Variants in CACNA1S observed in about 807,000 individuals in gnomAD.
CACNA1S encodes the protein voltage-dependent L-type calcium channel subunit alpha-1S.
Under a neutral mutation model 207.4 loss-of-function variants are expected in CACNA1S, and 126 were observed. The observed-to-expected ratio is 0.61, with a 90% CI of 0.53 to 0.70. CACNA1S has a LOEUF of 0.70. CACNA1S is among the 30% of genes least tolerant of loss of function. CACNA1S has a pLI of 0.00. For synonymous variants in CACNA1S, 960 were observed against 932.7 expected, an observed-to-expected ratio of 1.03 and a Z score of -0.53; for missense variants, 2,349 against 2,422.8, an observed-to-expected ratio of 0.97 and a Z score of 0.64.
In CACNA1S at chr1:201,052,127, C is replaced by T. The variant is rs74138821; in HGVS notation, c.3953+430G>A. 4.4e-3 allele frequency among the ~76,000 whole-genome samples: 676 copies of T among 152,352 alleles called. 5 individuals carry two copies. Among genetic ancestry groups the T allele is most frequent in the African/African-American group, 0.016 (649 of 41,586 alleles). ...GCAATCCAAGCTCTAGCTCCTGTGC[C>T]CTGGCCAAGCATAGGCCCCTGCGCC... On this transcript the variant is annotated intron_variant, in intron 32 of 43. Coordinates refer to ENST00000362061, the MANE Select transcript of CACNA1S (RefSeq NM_000069.3).
At position 201,087,917 on chromosome 1, in the gene CACNA1S, T is replaced by A; in HGVS notation, c.913A>T (p.Ile305Phe). ...TDVLYWVNDA[I>F]GNEWPWIYFV... ...TAGATCCAGGGCCACTCATTCCCGATGGCATCATTGACCTGGTCAGGACAG... is the reference window on the plus strand; with the variant it reads ...TAGATCCAGGGCCACTCATTCCCGAAGGCATCATTGACCTGGTCAGGACAG... The change falls in exon 7 of 44, where the codon ATC becomes TTC. Residue 305 changes from isoleucine to phenylalanine, a missense_variant. Coordinates refer to ENST00000362061, the MANE Select transcript of CACNA1S (RefSeq NM_000069.3). 6.2e-7 allele frequency: 1 copy of A among 1,611,604 alleles called. No individual in the cohort carries two copies. Among genetic ancestry groups the A allele is most frequent in the Non-Finnish European group, 8.5e-7 (1 of 1,177,988 alleles).
chr1:201,075,755 C>T, intron 12 of CACNA1S, 140 bp from the exon 13 acceptor site: 1 of 935,902 alleles, frequency 1.1e-6, no homozygotes, highest in South Asian at 1.5e-5. Context: ...TCTGGGTGGC[C>T]AGCCCCTGCT....
chr1:201,056,070 G>GACAGAC (rs528783002), intron 28 of CACNA1S, among the ~76,000 whole-genome samples: 20 of 94,918 alleles, frequency 2.1e-4, no homozygotes, highest in African/African-American at 5.2e-4. Flanking sequence ...CAGACAGACA[G>GACAGAC]ACACACACAC....
chr1:201,083,420 A>T, intron 9 of CACNA1S, 98 bp from the exon 10 acceptor site: 2 of 1,261,782 alleles, frequency 1.6e-6, no homozygotes, highest in Non-Finnish European at 2.3e-6. Context: ...GCGTAGCCTG[A>T]CCACCCCACT....
At chr1:201,040,585 T>C (rs770883552) in intron 42 of CACNA1S, 37 bp downstream of exon 42, 1 of 1,577,146 alleles carries the variant, frequency 6.3e-7, no homozygotes, top group South Asian at 1.1e-5. Context: ...GCAGGGTCTC[T>C]GTATGGAGTT....
At chr1:201,108,836 T>C (rs1160424333) in intron 2 of CACNA1S, among the ~76,000 whole-genome samples, 1 of 152,140 alleles carries the variant, frequency 6.6e-6, no homozygotes, top group African/African-American at 2.4e-5. Flanking sequence ...AAAAGCCCTG[T>C]TGAAAAGGTG....
At chr1:201,062,366 G>A (rs926342753) in intron 23 of CACNA1S, 96 bp downstream of exon 23, 15 of 1,271,882 alleles carry the variant, frequency 1.2e-5, no homozygotes, top group Non-Finnish European at 1.7e-5. Context: ...TCCCTGCCCC[G>A]TGACCGTAAC....
At chr1:201,049,594 G>A (rs1660587366) in intron 34 of CACNA1S, among the ~76,000 whole-genome samples, 1 of 152,190 alleles carries the variant, frequency 6.6e-6, no homozygotes. Context: ...CATGGCAAGA[G>A]CAGCTTGTGA....
chr1:201,078,007 G>GTT lies in CACNA1S; in HGVS notation c.1489_1490dup (p.Asn497LysfsTer24). ...TACACACCACGAAGCAGTCGAAGCG[G>GTT]TTGAAGATAGACATGAAGTACTGGC... On this transcript the variant is annotated frameshift_variant, in exon 11 of 44. Transcript: ENST00000362061. LOFTEE classifies it high-confidence loss of function. The GTT allele has an allele frequency of 6.2e-7, 1 of 1,614,114 alleles. No individual in the cohort carries two copies. The highest frequency in any genetic ancestry group is 8.5e-7 in the Non-Finnish European group (1 of 1,179,984).
At chr1:201,069,220 G>A (rs746882622) in intron 18 of CACNA1S, 24 bp from the exon 19 acceptor site, 1 of 1,609,822 alleles carries the variant, frequency 6.2e-7, no homozygotes, top group Non-Finnish European at 8.5e-7. Flanking sequence ...AGGGGCGGGA[G>A]CAGCCAGTGA....
In CACNA1S at chr1:201,043,517, C is replaced by G. The variant is rs1660363766; in HGVS notation, c.4812G>C (p.Leu1604=). ...CCAGGAAGTTGTCCACCTGGCCAAA[C>G]AGGCCTCCAGTCCTCTAGGGGCAAG... ...EEGIFRRTGG[L]FGQVDNFLER... Residue 1604 remains leucine (L), a synonymous_variant, in exon 40 of 44, where the codon CTG becomes CTC. Transcript: ENST00000362061. 2 of 1,613,830 alleles carry G rather than the reference C, an allele frequency of 1.2e-6. No homozygotes were observed. Among genetic ancestry groups the G allele is most frequent in the Non-Finnish European group, 1.7e-6 (2 of 1,180,004 alleles).
intron 22 of CACNA1S, among the ~76,000 whole-genome samples, chr1:201,065,102 A>G (rs1661196137): frequency 6.6e-6 from 1 of 152,160 alleles, no homozygotes; most frequent in Non-Finnish European, 1.5e-5. Flanking sequence ...GTAGGGAGAG[A>G]GCAGATACAA....
intron 2 of CACNA1S, among the ~76,000 whole-genome samples, chr1:201,105,832 G>A (rs553826449): frequency 6.6e-6 from 1 of 152,232 alleles, no homozygotes; most frequent in African/African-American, 2.4e-5. Context: ...ACTGCCAAGG[G>A]AGCCTATTCC....
At position 201,093,906 on chromosome 1, in the gene CACNA1S, A is replaced by C. The variant is rs757433194; in HGVS notation, c.374T>G (p.Leu125Arg). The C allele has an allele frequency of 6.2e-7, 1 of 1,614,224 alleles. No homozygotes were observed. The highest frequency in any genetic ancestry group is 8.5e-7 in the Non-Finnish European group (1 of 1,180,046). Residue 125 changes from leucine to arginine, a missense_variant, in exon 3 of 44, where the codon CTG (leucine) becomes CGG (arginine). Physicochemically the swap from Leu to Arg is moderately radical, Grantham distance 102 (BLOSUM62 -2). Coordinates refer to ENST00000362061, the MANE Select transcript of CACNA1S (RefSeq NM_000069.3). Reference sequence around the variant, plus strand: ...CCCCAGGAAGACAATGGTGAAGTCCAGCACATTCCAGCCACTGCGCAGGTA... The same window carrying C: ...CCCCAGGAAGACAATGGTGAAGTCCCGCACATTCCAGCCACTGCGCAGGTA... The part of the protein sequence containing the change: ...DAYLRSGWNV[L>R]DFTIVFLGVF...
chr1:201,104,893 T>C (rs943414565), intron 2 of CACNA1S, among the ~76,000 whole-genome samples: 2 of 152,262 alleles, frequency 1.3e-5, no homozygotes, highest in Non-Finnish European at 2.9e-5. Flanking sequence ...GCATGTGCAG[T>C]GATCTAACCT....
rs1558057855 is a variant in CACNA1S, at chr1:201,053,296, C to T, written c.3796-22G>A. On this transcript the variant is annotated intron_variant, in intron 30 of 43. Transcript: ENST00000362061. The surrounding 1 kb of genome is among the most constrained non-coding windows in gnomAD (Gnocchi z 5.1). ...GGGCCTGCAGGGCGGGCGGGAGCGCCAGTCAGTGTCTTAGGGCTCCACTGT... is the reference window on the plus strand; with the variant it reads ...GGGCCTGCAGGGCGGGCGGGAGCGCTAGTCAGTGTCTTAGGGCTCCACTGT... 1 of 1,612,880 alleles carries T rather than the reference C, an allele frequency of 6.2e-7. No individual in the cohort carries two copies. Among genetic ancestry groups the T allele is most frequent in the Non-Finnish European group, 8.5e-7 (1 of 1,179,486 alleles).
In CACNA1S at chr1:201,101,295, G is replaced by A. The variant is rs536133180; in HGVS notation, c.259-7274C>T. Among the ~76,000 whole-genome samples, 734 of 152,282 alleles carry A rather than the reference G, an allele frequency of 4.8e-3. 2 individuals carry two copies. Among genetic ancestry groups the A allele is most frequent in the Non-Finnish European group, 7.9e-3 (534 of 68,004 alleles). On this transcript the variant is annotated intron_variant, in intron 2 of 43. Transcript: ENST00000362061. ...AGGAGGTTCTCTGGGGTTCCATCCC[G>A]GAGGGTGTCACATAACCCAGATAAC...
chr1:201,043,680 C>T, intron 39 of CACNA1S, 149 bp from the exon 40 acceptor site: 1 of 722,774 alleles, frequency 1.4e-6, no homozygotes, highest in Non-Finnish European at 2.3e-6. Flanking sequence ...GTGGTGAGAT[C>T]AAAAGAAGAA....
At chr1:201,046,826 G>T (rs766941034) in intron 38 of CACNA1S, among the ~76,000 whole-genome samples, 1 of 152,180 alleles carries the variant, frequency 6.6e-6, no homozygotes, top group African/African-American at 2.4e-5. Context: ...GAGCCACTGC[G>T]CCTGGCCTAG....
Sources: gnomAD v4.1 joint callset for allele counts (sites outside exome capture counted in the v4.1 genomes callset) on GRCh38, gnomAD v4.1.1 for gene constraint, Gnocchi (gnomAD v3.1) non-coding constraint, MANE v1.5 for transcripts, NCBI Gene and HGNC (gene_info 2026-07-23, HGNC 2026-07-21) for gene names.